Variants in DLGAP2 observed in about 807,000 individuals in gnomAD.
DLGAP2 encodes the protein DLG associated protein 2, also known as disks large-associated protein 2.
A neutral mutation model predicts 100.3 loss-of-function variants in DLGAP2; 26 were observed. The ratio of observed to expected loss-of-function variants is 0.26; its 90% confidence interval spans 0.19 to 0.36. The LOEUF (loss-of-function observed/expected upper bound fraction) is 0.36, where lower values mean the gene tolerates loss of function less well. DLGAP2 is among the 10% of genes least tolerant of loss of function. The pLI, the probability that DLGAP2 is intolerant of heterozygous loss-of-function variation, is 1.00. For missense variants in DLGAP2, 1,858 were observed against 1,453.2 expected, an observed-to-expected ratio of 1.28 and a Z score of -4.53; for synonymous variants, 886 against 630.1, an observed-to-expected ratio of 1.41 and a Z score of -6.08.
chr8:1,547,183 C>T (rs944624539), intron 4 of DLGAP2, among the ~76,000 whole-genome samples: 2 of 152,160 alleles, frequency 1.3e-5, no homozygotes, highest in Admixed American at 6.5e-5. Flanking sequence ...CAGAGGGAGG[C>T]TCGGCAGCTC....
chr8:1,296,139 TG>T (rs1800167028), intron 3 of DLGAP2: 1 of 152,070 alleles, frequency 6.6e-6, no homozygotes, highest in Non-Finnish European at 1.5e-5. Context: ...AGGGTGGAGT[TG>T]GGGTGGATGA....
At chr8:1,547,921 G>T (rs970445821) in intron 4 of DLGAP2, among the ~76,000 whole-genome samples, 1 of 152,196 alleles carries the variant, frequency 6.6e-6, no homozygotes, top group Non-Finnish European at 1.5e-5. Context: ...TGTGATACAT[G>T]AGCTTACTAG....
At chr8:1,311,265 G>T (rs543457633) in intron 3 of DLGAP2, among the ~76,000 whole-genome samples, 1 of 152,146 alleles carries the variant, frequency 6.6e-6, no homozygotes, top group Non-Finnish European at 1.5e-5. Flanking sequence ...TATAATAAGA[G>T]ATCGAATCTA....
At chr8:1,515,426 G>A (rs567318594) in intron 4 of DLGAP2, among the ~76,000 whole-genome samples, 7 of 146,586 alleles carry the variant, frequency 4.8e-5, no homozygotes, top group Middle Eastern at 3.5e-3. Context: ...ACACACACAC[G>A]CAGACACATG....
Position 1,325,258 on chromosome 8 carries a change from G to T in DLGAP2, c.106+66375G>T, listed in dbSNP as rs529159335. Among the ~76,000 whole-genome samples, 189 of 152,306 alleles carry T rather than the reference G, an allele frequency of 1.2e-3. 1 individual carries two copies. Among genetic ancestry groups the T allele is most frequent in the African/African-American group, 4.5e-3 (185 of 41,568 alleles). ...AGTCATTCCACGACCCCAAGAGTGA[G>T]ATGTCCGATGGTCTCACCAAGCTTT... On this transcript the variant is annotated intron_variant, in intron 3 of 14. Coordinates refer to ENST00000637795, the MANE Select transcript of DLGAP2 (RefSeq NM_001346810.2).
At chr8:742,019 G>A (rs548664288) in intron 1 of DLGAP2, among the ~76,000 whole-genome samples, 1 of 152,328 alleles carries the variant, frequency 6.6e-6, no homozygotes, top group South Asian at 2.1e-4. Context: ...GATGCTGTTG[G>A]AAGCTCTGAA....
intron 1 of DLGAP2, among the ~76,000 whole-genome samples, chr8:837,476 C>T (rs1796900424): frequency 6.6e-6 from 1 of 152,062 alleles, no homozygotes; most frequent in Non-Finnish European, 1.5e-5. Context: ...TTCTCAGAAT[C>T]CTTCTTTTCA....
At chr8:1,104,501 A>G (rs1250966646) in intron 2 of DLGAP2, among the ~76,000 whole-genome samples, 1 of 152,194 alleles carries the variant, frequency 6.6e-6, no homozygotes, top group Admixed American at 6.5e-5. Context: ...TAAAACCACG[A>G]GCATCTTCAG....
At chr8:740,934 G>C (rs1010514569) in intron 1 of DLGAP2, among the ~76,000 whole-genome samples, 2 of 152,162 alleles carry the variant, frequency 1.3e-5, no homozygotes, top group African/African-American at 2.4e-5. Context: ...ATTTTGGCCA[G>C]ATGGGAGTCA....
In DLGAP2 at chr8:1,386,421, C is replaced by G. The variant is rs369166025; in HGVS notation, c.107-114945C>G. Among the ~76,000 whole-genome samples the G allele has an allele frequency of 2.6e-5, 4 of 152,286 alleles. No individual in the cohort carries two copies. In the East Asian group the frequency reaches 7.7e-4, roughly 29 times the overall value. ...GAGCTTTCAGGGAGAAAAGACAGAT[C>G]GAGAAACCAGATGGCTTCCATCTTC... On this transcript the variant is annotated intron_variant, in intron 3 of 14. Coordinates refer to ENST00000637795, the MANE Select transcript of DLGAP2 (RefSeq NM_001346810.2).
In DLGAP2 at chr8:792,840, A is replaced by C. The variant is rs181453574; in HGVS notation, c.18+55015A>C. Among the ~76,000 whole-genome samples, 6 of 152,246 alleles carry C rather than the reference A, an allele frequency of 3.9e-5. No homozygotes were observed. The East Asian group carries it at 1.2e-3, about 29-fold the overall frequency. On this transcript the variant is annotated intron_variant, in intron 1 of 14. Transcript: ENST00000637795. ...ATGTATTATTTTAATACAGTGTTGG[A>C]TTCTACTTGCTTCTATTTATTGAAA...
At chr8:1,554,609 C>T (rs1322490995) in intron 5 of DLGAP2, among the ~76,000 whole-genome samples, 2 of 152,166 alleles carry the variant, frequency 1.3e-5, no homozygotes, top group Non-Finnish European at 2.9e-5. Flanking sequence ...CCGCTTTGCC[C>T]CTGTATCTAG....
intron 2 of DLGAP2, among the ~76,000 whole-genome samples, chr8:1,033,667 C>G (rs1411457079): frequency 6.6e-6 from 1 of 152,170 alleles, no homozygotes; most frequent in Non-Finnish European, 1.5e-5. Flanking sequence ...ACCGTGTTAC[C>G]CCAAGTTAGG....
chr8:1,577,763 C>T (rs1803050620), intron 6 of DLGAP2, among the ~76,000 whole-genome samples: 1 of 152,010 alleles, frequency 6.6e-6, no homozygotes. Flanking sequence ...CAGGAAGGAG[C>T]AGCAACCTCG....
chr8:1,619,317 A>C (rs931561660), intron 6 of DLGAP2, among the ~76,000 whole-genome samples: 1 of 152,256 alleles, frequency 6.6e-6, no homozygotes, highest in African/African-American at 2.4e-5. Context: ...AAAGAATGAC[A>C]ATACAACATG....
At chr8:903,696 G>T (rs1316121725) in intron 1 of DLGAP2, among the ~76,000 whole-genome samples, 1 of 152,104 alleles carries the variant, frequency 6.6e-6, no homozygotes, top group South Asian at 2.1e-4. Context: ...TCTCCCGCCC[G>T]CACCCCGGTG....
intron 3 of DLGAP2, among the ~76,000 whole-genome samples, chr8:1,371,498 G>A (rs112820219): frequency 2.0e-4 from 30 of 152,290 alleles, no homozygotes; most frequent in African/African-American, 6.3e-4. Flanking sequence ...GTCACTGCAG[G>A]TTTAATATGC....
chr8:809,457 G>GT (rs1160061126), intron 1 of DLGAP2, among the ~76,000 whole-genome samples: 2 of 95,294 alleles, frequency 2.1e-5, no homozygotes, highest in East Asian at 3.9e-4. Context: ...GTCTCTGGCA[G>GT]GTTTTTTTTT....
At chr8:1,137,651 G>A (rs923745860) in intron 2 of DLGAP2, 4 of 152,092 alleles carry the variant, frequency 2.6e-5, no homozygotes, top group East Asian at 1.9e-4. Context: ...TTTCTATAAC[G>A]ATTGGTATCT....
Sources: allele counts gnomAD v4.1 joint callset (sites outside exome capture counted in the v4.1 genomes callset), GRCh38; gene constraint gnomAD v4.1.1; transcripts MANE v1.5; gene names NCBI Gene and HGNC (gene_info 2026-07-23, HGNC 2026-07-21).